PUDP: variants seen among roughly 807,000 people sequenced by gnomAD.
PUDP encodes pseudouridine 5'-phosphatase.
A neutral mutation model predicts 9.4 loss-of-function variants in PUDP; 8 were observed. The observed-to-expected ratio is 0.85, with a 90% confidence interval of 0.50 to 1.53. The LOEUF is 1.53. Among genes scored for constraint, PUDP ranks in the 40% most tolerant of loss-of-function variants. The pLI is 0.00. For synonymous variants in PUDP, 99 were observed against 80.7 expected, an observed-to-expected ratio of 1.23 and a Z score of -1.22; for missense variants, 188 against 189.7, an observed-to-expected ratio of 0.99 and a Z score of 0.05.
chrX:7,092,311 A>G (rs1163153536), intron 2 of PUDP, among the ~76,000 whole-genome samples: 3 of 113,239 alleles, frequency 2.6e-5, no homozygotes, highest in Non-Finnish European at 5.6e-5. Context: ...TCAAAAATGG[A>G]TTCATTTTGC....
intron 3 of PUDP, among the ~76,000 whole-genome samples, chrX:6,929,575 T>C (rs1309847011): frequency 8.9e-6 from 1 of 112,150 alleles, no homozygotes; most frequent in African/African-American, 3.2e-5. Context: ...ATGTTTCTTA[T>C]CAGACATAAG....
At chrX:6,868,595 G>T (rs756290982) in intron 3 of PUDP, among the ~76,000 whole-genome samples, 120 of 112,378 alleles carry the variant, frequency 1.1e-3, no homozygotes, top group African/African-American at 3.5e-3. Context: ...AGTCCACTTT[G>T]TGTCTCTCTA....
chrX:6,832,607 CT>C (rs1159475420), intron 3 of PUDP, among the ~76,000 whole-genome samples: 1 of 111,883 alleles, frequency 8.9e-6, no homozygotes, highest in Non-Finnish European at 1.9e-5. Context: ...CAAGAGCTAA[CT>C]GTGAAAGAGA....
intron 3 of PUDP, among the ~76,000 whole-genome samples, chrX:6,799,207 G>A (rs1050167950): frequency 1.8e-5 from 2 of 112,258 alleles, no homozygotes; most frequent in African/African-American, 6.5e-5. Context: ...TGATGTAGTA[G>A]AATTTTTTCT....
chrX:6,980,262 G>A (rs1929014555), intron 1 of PUDP, among the ~76,000 whole-genome samples: 1 of 104,907 alleles, frequency 9.5e-6, no homozygotes, highest in Admixed American at 1.1e-4. Flanking sequence ...AGGCTAGAGT[G>A]CAGTGGTAAA....
chrX:6,898,261 C>A (rs11095243), intron 3 of PUDP, among the ~76,000 whole-genome samples: 17,453 of 112,368 alleles, frequency 0.16, 1,247 homozygotes, highest in Middle Eastern at 0.25. Flanking sequence ...CTCTTGAAGG[C>A]AGCTGCATAA....
At chrX:6,796,273 G>A (rs1241258696) in intron 3 of PUDP, among the ~76,000 whole-genome samples, 1 of 112,201 alleles carries the variant, frequency 8.9e-6, no homozygotes, top group Non-Finnish European at 1.9e-5. Context: ...ATGCATGAAG[G>A]ATGGAAACTG....
chrX:7,092,327 G>A lies in PUDP; in HGVS notation c.280+13293C>T, dbSNP rs145901485. Among the ~76,000 whole-genome samples, 7 of 112,935 alleles carry A rather than the reference G, an allele frequency of 6.2e-5. No homozygotes were observed. The East Asian group carries it at 1.7e-3, about 27-fold the overall frequency. ...CAAAAATGGATTCATTTTGCCTTAT[G>A]CATTCAACAATAAGACAAAAATAAC... On this transcript the variant is annotated intron_variant, in intron 2 of 3. Coordinates refer to ENST00000381077, the MANE Select transcript of PUDP (RefSeq NM_012080.5).
At chrX:6,809,320 T>C (rs1459102315) in intron 3 of PUDP, among the ~76,000 whole-genome samples, 2 of 109,582 alleles carry the variant, frequency 1.8e-5, no homozygotes, top group East Asian at 5.8e-4. Flanking sequence ...TTTTAAGATA[T>C]GGGGTCTTGC....
chrX:6,933,262 T>C (rs376491251), intron 3 of PUDP, among the ~76,000 whole-genome samples: 23 of 109,418 alleles, frequency 2.1e-4, no homozygotes, highest in East Asian at 5.8e-4. Flanking sequence ...ACACTTCACA[T>C]GGCCGGGTAC....
At chrX:6,780,283 T>TTA (rs1380489697) in intron 3 of PUDP, among the ~76,000 whole-genome samples, 5 of 110,058 alleles carry the variant, frequency 4.5e-5, no homozygotes, top group Non-Finnish European at 9.5e-5. Context: ...ATAATCTATA[T>TTA]TATATATATA....
At chrX:6,716,577 T>A (rs2146653226) in intron 1 of PUDP, among the ~76,000 whole-genome samples, 1 of 111,992 alleles carries the variant, frequency 8.9e-6, no homozygotes, top group East Asian at 2.8e-4. Flanking sequence ...TTCCCTTCTT[T>A]ACCAAGTCTC....
chrX:6,740,125 A>G (rs948517053), intron 3 of PUDP, among the ~76,000 whole-genome samples: 1 of 111,880 alleles, frequency 8.9e-6, no homozygotes, highest in Non-Finnish European at 1.9e-5. Context: ...TGAAAGTCCT[A>G]TATCCTGGCA....
chrX:6,826,340 G>A (rs1289159307), intron 3 of PUDP, among the ~76,000 whole-genome samples: 1 of 111,410 alleles, frequency 9.0e-6, no homozygotes, highest in Non-Finnish European at 1.9e-5. Context: ...TAACTTATAA[G>A]CTTAATTAAG....
chrX:7,029,586 G>T (rs1211888734), intron 1 of PUDP, among the ~76,000 whole-genome samples: 2 of 112,087 alleles, frequency 1.8e-5, no homozygotes, highest in African/African-American at 6.5e-5. Flanking sequence ...TTTTCATTTA[G>T]TATGCTGTAA....
At chrX:7,024,631 G>C (rs1313843032) in intron 1 of PUDP, among the ~76,000 whole-genome samples, 1 of 105,599 alleles carries the variant, frequency 9.5e-6, no homozygotes, top group Non-Finnish European at 1.9e-5. Flanking sequence ...CTGTCGCCCA[G>C]GCTGGAGTGC....
intron 2 of PUDP, among the ~76,000 whole-genome samples, chrX:7,083,012 G>A (rs1440332244): frequency 8.9e-6 from 1 of 112,534 alleles, no homozygotes; most frequent in Non-Finnish European, 1.9e-5. Context: ...GGCAGAGACT[G>A]AAGTGATGTG....
chrX:6,819,949 A>T (rs930173760), intron 3 of PUDP, among the ~76,000 whole-genome samples: 5 of 110,902 alleles, frequency 4.5e-5, no homozygotes, highest in Non-Finnish European at 9.4e-5. Context: ...ACAGATATCC[A>T]CAAATCTACC....
At chrX:7,097,255 A>G (rs924818652) in intron 2 of PUDP, among the ~76,000 whole-genome samples, 7 of 111,842 alleles carry the variant, frequency 6.3e-5, no homozygotes, top group Non-Finnish European at 1.3e-4. Context: ...CAGAAAGCAA[A>G]CAGATGAGCT....
Sources: gnomAD v4.1 joint callset for allele counts (sites outside exome capture counted in the v4.1 genomes callset) on GRCh38, gnomAD v4.1.1 for gene constraint, MANE v1.5 for transcripts, NCBI Gene and HGNC (gene_info 2026-07-23, HGNC 2026-07-21) for gene names.